STAT3: variants seen among roughly 807,000 people sequenced by gnomAD.
The protein encoded by STAT3 is DNA-binding protein APRF.
STAT3 carries 7 observed loss-of-function variants against 114.3 expected under a neutral mutation model. That is an observed-to-expected ratio of 0.06 (90% CI 0.03 to 0.11). The LOEUF (loss-of-function observed/expected upper bound fraction) is 0.11. Among genes scored for constraint, STAT3 ranks in the 10% least tolerant of loss-of-function variants. The pLI is 1.00. For missense variants in STAT3, 364 were observed against 960.9 expected (o/e 0.38, Z 8.21); for synonymous variants, 331 against 354.5 (o/e 0.93, Z 0.74).
At chr17:42,369,197 G>A (rs934958738) in intron 1 of STAT3, among the ~76,000 whole-genome samples, 6 of 151,998 alleles carry the variant, frequency 3.9e-5, no homozygotes, top group Non-Finnish European at 5.9e-5. Flanking sequence ...ATCTCTACTA[G>A]AAATACAAAA....
Position 42,315,667 on chromosome 17 carries a change from G to C in STAT3, c.*78C>G. The C allele has an allele frequency of 1.4e-6, 2 of 1,414,252 alleles. No homozygotes were observed. The highest frequency in any genetic ancestry group is 2.3e-5 in the South Asian group (2 of 87,042). The allele number at this position is 1,414,252 out of a possible 1,614,324, so 87.6% of individuals were successfully genotyped here. A position where few individuals can be genotyped will look rare whatever the true frequency, so the allele number is the denominator to read the frequency against. On this transcript the variant is annotated 3_prime_UTR_variant, in exon 24 of 24. Coordinates refer to ENST00000264657, the MANE Select transcript of STAT3 (RefSeq NM_139276.3). ...AAGTTAGTAGTTTCAGATGATCTGG[G>C]GTTTGGCTGTGTGAGGGGTGGCAGA...
chr17:42,382,934 C>T (rs2084885508), intron 1 of STAT3, among the ~76,000 whole-genome samples: 2 of 152,218 alleles, frequency 1.3e-5, no homozygotes, highest in African/African-American at 4.8e-5. Flanking sequence ...TGAGCCACCA[C>T]ACCCGGCTGG....
chr17:42,323,390 G>C (rs2081564126), intron 18 of STAT3, 36 bp from the exon 19 acceptor site: 2 of 1,607,892 alleles, frequency 1.2e-6, no homozygotes, highest in Non-Finnish European at 1.7e-6. Context: ...CAAGTCTACT[G>C]CCATCCCAGC....
intron 14 of STAT3, among the ~76,000 whole-genome samples, chr17:42,327,133 C>T (rs2081763270): frequency 6.6e-6 from 1 of 152,124 alleles, no homozygotes; most frequent in East Asian, 1.9e-4. Context: ...CAATATGAAC[C>T]CACCATTCAA....
In STAT3 at chr17:42,388,416, G is replaced by A. The variant is rs1185309760; in HGVS notation, c.-161C>T. The A allele has an allele frequency of 1.1e-5, 14 of 1,231,686 alleles. No homozygotes were observed. In the East Asian group the frequency reaches 3.8e-4, roughly 33 times the overall value. The allele number at this position is 1,231,686 out of a possible 1,614,324, so 76.3% of individuals were successfully genotyped here. A position where few individuals can be genotyped will look rare whatever the true frequency, so the allele number is the denominator to read the frequency against. On this transcript the variant is annotated 5_prime_UTR_variant, in exon 1 of 24. Coordinates refer to ENST00000264657, the MANE Select transcript of STAT3 (RefSeq NM_139276.3). ...AGCCGGGGTGCCTGTCCAGGATCCG[G>A]TTGGGGCTTGTTCCCTCGGCTGCGA... is the stretch of plus-strand genomic sequence containing the variant.
At chr17:42,322,253 A>G in intron 21 of STAT3, 29 bp downstream of exon 21, 1 of 1,613,686 alleles carries the variant, frequency 6.2e-7, no homozygotes, top group South Asian at 1.1e-5. Flanking sequence ...CCCAAAAATT[A>G]AATGCCAGGA....
chr17:42,349,086 ACTC>A (rs1239937414), intron 1 of STAT3, among the ~76,000 whole-genome samples: 3 of 151,268 alleles, frequency 2.0e-5, no homozygotes, highest in African/African-American at 7.3e-5. Flanking sequence ...CTGGTCTTGA[ACTC>A]CTGGGCTCAA....
intron 1 of STAT3, among the ~76,000 whole-genome samples, chr17:42,368,727 C>G (rs2083939095): frequency 6.6e-6 from 1 of 151,152 alleles, no homozygotes; most frequent in Non-Finnish European, 1.5e-5. Flanking sequence ...CCCAATGCAA[C>G]CAGCCTTTTT....
At chr17:42,322,166 A>C in intron 21 of STAT3, 116 bp downstream of exon 21, 1 of 981,738 alleles carries the variant, frequency 1.0e-6, no homozygotes, top group Non-Finnish European at 1.6e-6. Context: ...CTTTCCCATA[A>C]GGAGAAATAA....
At chr17:42,350,750 G>A (rs905108651) in intron 1 of STAT3, among the ~76,000 whole-genome samples, 1 of 152,152 alleles carries the variant, frequency 6.6e-6, no homozygotes, top group African/African-American at 2.4e-5. Context: ...TCTTTACATT[G>A]AATAATTAAT....
At chr17:42,376,078 G>A (rs2084437472) in intron 1 of STAT3, among the ~76,000 whole-genome samples, 1 of 151,660 alleles carries the variant, frequency 6.6e-6, no homozygotes, top group African/African-American at 2.4e-5. Context: ...TGGAACCTGG[G>A]AGGTGGAGGT....
rs370694757 is a variant in STAT3 at position 42,371,487 on chromosome 17, C to T, written c.-24+16792G>A. ...GGGAGTTCAAGACCAGCCTGACCAA[C>T]ATGGAGAAACCTCGTCTCTAATTAA... On this transcript the variant is annotated intron_variant, in intron 1 of 23. Transcript: ENST00000264657. 1.7e-4 allele frequency among the ~76,000 whole-genome samples: 26 copies of T among 149,262 alleles called. No homozygotes were observed. In the East Asian group the frequency reaches 5.1e-3, roughly 30 times the overall value.
At position 42,329,644 on chromosome 17, in the gene STAT3, G is replaced by C. The variant is rs143571879; in HGVS notation, c.1143C>G (p.Ser381=). 1.5e-4 allele frequency: 241 copies of C among 1,614,160 alleles called. 1 individual carries two copies. Among genetic ancestry groups the C allele is most frequent in the South Asian group, 1.4e-3 (124 of 91,082 alleles). ...TTGTGCCCAGAATGTTAAATTTCCG[G>C]GATCTGAATCACAGGGGAACAATCA... ...DSGDVAALRG[S]RKFNILGTNT... Residue 381 remains serine (S), a synonymous_variant, in exon 13 of 24, where the codon TCC becomes TCG. Transcript: ENST00000264657.
chr17:42,331,194 T>C (rs1850858613), intron 11 of STAT3, among the ~76,000 whole-genome samples: 2 of 152,204 alleles, frequency 1.3e-5, no homozygotes, highest in Admixed American at 6.5e-5. Context: ...CTCAGTCTTA[T>C]ATATAATATG....
chr17:42,317,348 CT>C, intron 21 of STAT3, 124 bp from the exon 22 acceptor site: 1 of 1,161,648 alleles, frequency 8.6e-7, no homozygotes, highest in Non-Finnish European at 1.2e-6. Context: ...CCAAGATTGT[CT>C]GGAAAGCTCC....
intron 21 of STAT3, among the ~76,000 whole-genome samples, chr17:42,319,650 C>T (rs945320261): frequency 2.6e-5 from 4 of 151,366 alleles, no homozygotes; most frequent in East Asian, 1.9e-4. Context: ...CTCCGAACCT[C>T]TCCCTCAAGC....
At chr17:42,344,082 C>T (rs1460202279) in intron 4 of STAT3, among the ~76,000 whole-genome samples, 1 of 152,164 alleles carries the variant, frequency 6.6e-6, no homozygotes, top group Non-Finnish European at 1.5e-5. Flanking sequence ...CACTGTGCAT[C>T]ATGCTCCCTT....
intron 21 of STAT3, among the ~76,000 whole-genome samples, chr17:42,318,753 G>A (rs1422844095): frequency 6.6e-6 from 1 of 152,184 alleles, no homozygotes; most frequent in African/African-American, 2.4e-5. Flanking sequence ...TGATGACCAT[G>A]TGAAAGAAGG....
intron 1 of STAT3, among the ~76,000 whole-genome samples, chr17:42,368,338 T>C (rs952110874): frequency 1.3e-5 from 2 of 152,236 alleles, no homozygotes; most frequent in Admixed American, 1.3e-4. Context: ...CATGTGCCCA[T>C]TGGCAGTATT....
Sources: gnomAD v4.1 joint callset for allele counts (sites outside exome capture counted in the v4.1 genomes callset) on GRCh38, gnomAD v4.1.1 for gene constraint, MANE v1.5 for transcripts, NCBI Gene and HGNC (gene_info 2026-07-23, HGNC 2026-07-21) for gene names.